Variants in DOK7 observed in about 807,000 individuals in gnomAD.
DOK7 encodes protein Dok-7.
A neutral mutation model predicts 30.7 loss-of-function variants in DOK7; 32 were observed. The ratio of observed to expected loss-of-function variants is 1.04; its 90% CI spans 0.79 to 1.40. DOK7 has a LOEUF of 1.40. DOK7 is among the 40% of genes most tolerant of loss of function. The probability of loss-of-function intolerance (pLI) is 0.00; values close to 1 mark genes in which losing one functional copy is unlikely to be tolerated. For synonymous variants in DOK7, 447 were observed against 324.1 expected, an observed-to-expected ratio of 1.38 and a Z score of -4.07; for missense variants, 1,007 against 699.2, an observed-to-expected ratio of 1.44 and a Z score of -4.97.
chr4:3,490,893 T>C (rs1432249303), intron 6 of DOK7, among the ~76,000 whole-genome samples: 2 of 118,444 alleles, frequency 1.7e-5, no homozygotes, highest in Non-Finnish European at 3.4e-5. Flanking sequence ...TGCTCATTAA[T>C]TTCTTCCTTC....
intron 4 of DOK7, among the ~76,000 whole-genome samples, chr4:3,478,611 C>T (rs1055086358): frequency 6.6e-6 from 1 of 151,136 alleles, no homozygotes; most frequent in East Asian, 2.0e-4. Context: ...CCCCACAGAA[C>T]CCGCCTTTGC....
chr4:3,489,254 G>C (rs940323646), intron 5 of DOK7, among the ~76,000 whole-genome samples: 1 of 152,148 alleles, frequency 6.6e-6, no homozygotes, highest in Non-Finnish European at 1.5e-5. Flanking sequence ...CCCAGGTGGA[G>C]GGGAGCCTGT....
At chr4:3,491,267 C>T (rs1728402445) in intron 6 of DOK7, among the ~76,000 whole-genome samples, 1 of 119,538 alleles carries the variant, frequency 8.4e-6, no homozygotes, top group Non-Finnish European at 1.7e-5. Flanking sequence ...TCATTCATTC[C>T]TTCATTCATT....
chr4:3,466,244 G>A (rs1297476635), intron 2 of DOK7, among the ~76,000 whole-genome samples: 1 of 152,142 alleles, frequency 6.6e-6, no homozygotes, highest in African/African-American at 2.4e-5. Context: ...GCCTGCCCCC[G>A]GGCTGATGGC....
chr4:3,467,817 G>A (rs1435696990), intron 2 of DOK7, among the ~76,000 whole-genome samples: 3 of 152,176 alleles, frequency 2.0e-5, no homozygotes, highest in Non-Finnish European at 2.9e-5. Context: ...GTGAGGATCC[G>A]CGTCCTGGGT....
chr4:3,486,944 G>A lies in DOK7; in HGVS notation c.652+1286G>A, dbSNP rs547935059. 4.4e-4 allele frequency among the ~76,000 whole-genome samples: 67 copies of A among 152,154 alleles called. 1 individual carries two copies. Among genetic ancestry groups the A allele is most frequent in the Non-Finnish European group, 8.7e-4 (59 of 68,014 alleles). ...AGTTCCCGGGGAGCAGAGGGAAGCA[G>A]GGAAGCAGTACTGGGCAGAGGATGC... On this transcript the variant is annotated intron_variant, in intron 5 of 6. Transcript: ENST00000340083.
rs546438939 is a variant in DOK7 at position 3,486,631 on chromosome 4, C to A, written c.652+973C>A. ...GGTGGCACCTATGGCCAGCGCCCTC[C>A]CCGCTGCCCTGCCATGCTGGATGGT... is the stretch of plus-strand genomic sequence containing the variant. On this transcript the variant is annotated intron_variant, in intron 5 of 6. Transcript: ENST00000340083. Among the ~76,000 whole-genome samples the A allele has an allele frequency of 2.9e-3, 445 of 152,338 alleles. 3 individuals are homozygous for A. Among genetic ancestry groups the A allele is most frequent in the African/African-American group, 0.01 (429 of 41,586 alleles).
At chr4:3,497,417 G>C (rs1728973387), downstream of DOK7, among the ~76,000 whole-genome samples, 1 of 152,012 alleles carries the variant, frequency 6.6e-6, no homozygotes, top group South Asian at 2.1e-4. Flanking sequence ...GGGAGGGCCA[G>C]GCAGGGAGGC....
downstream of DOK7, chr4:3,494,545 C>G (rs1019987623): frequency 2.5e-5 from 25 of 982,966 alleles, no homozygotes; most frequent in Admixed American, 6.1e-5. Flanking sequence ...CACGTGGGGC[C>G]TCTGCCTGGA....
Position 3,493,191 on chromosome 4 carries a change from G to C in DOK7, c.1205G>C (p.Arg402Pro), listed in dbSNP as rs370039804. 25 of 1,610,890 alleles carry C rather than the reference G, an allele frequency of 1.6e-5. No individual in the cohort carries two copies. Among genetic ancestry groups the C allele is most frequent in the Admixed American group, 5.0e-5 (3 of 59,876 alleles). Residue 402 changes from arginine to proline, a missense_variant, in exon 7 of 7, where the codon CGG (arginine) becomes CCG (proline). Transcript: ENST00000340083. ...TVEYQVPTSL[R>P]AHYDTPRSLC... is the part of the protein sequence containing the mutation. Reference sequence around the variant, plus strand: ...GAGTACCAGGTGCCCACCTCCCTGCGGGCCCACTATGACACACCACGCAGC... The same window carrying C: ...GAGTACCAGGTGCCCACCTCCCTGCCGGCCCACTATGACACACCACGCAGC...
chr4:3,496,134 G>A (rs1006751445), downstream of DOK7, among the ~76,000 whole-genome samples: 2 of 152,232 alleles, frequency 1.3e-5, no homozygotes, highest in Non-Finnish European at 1.5e-5. Flanking sequence ...GAGGTGGGCA[G>A]GAAGCCTCTG....
Position 3,494,388 on chromosome 4 carries a change from G to A in DOK7, c.*887G>A, listed in dbSNP as rs1728774478. 1.0e-6 allele frequency: 1 copy of A among 985,896 alleles called. No homozygotes were observed. Among genetic ancestry groups the A allele is most frequent in the Admixed American group, 6.1e-5 (1 of 16,300 alleles). 61.1% of individuals were successfully genotyped at this position (985,896 alleles called of 1,614,324 possible). On this transcript the variant is annotated 3_prime_UTR_variant, in exon 7 of 7. Transcript: ENST00000340083. ...AGCCTGCCCTGACCACAGCCCAGCA[G>A]CTCCCTGTGAACACCTCTTTGTCCC... is the stretch of plus-strand genomic sequence containing the variant.
chr4:3,473,669 T>TC, intron 3 of DOK7, 33 bp downstream of exon 3: 1 of 1,512,508 alleles, frequency 6.6e-7, no homozygotes, highest in Non-Finnish European at 8.9e-7. Context: ...GGGCGGGGGC[T>TC]CCCCGTTCAG....
rs187086457 is a variant in DOK7, at chr4:3,464,894, T to G, written c.100+1343T>G. Among the ~76,000 whole-genome samples the G allele has an allele frequency of 9.2e-5, 14 of 152,260 alleles. No individual in the cohort carries two copies. The East Asian group carries it at 2.7e-3, about 29-fold the overall frequency. ...AGGAGTTTGCAATGGGTCCCCCAGG[T>G]GGGACAATCTGTGAGTCTGTAGGTG... On this transcript the variant is annotated intron_variant, in intron 2 of 6. Coordinates refer to ENST00000340083, the MANE Select transcript of DOK7 (RefSeq NM_173660.5).
intron 6 of DOK7, among the ~76,000 whole-genome samples, chr4:3,491,138 TCCC>T (rs1204042804): frequency 1.2e-3 from 68 of 56,486 alleles, no homozygotes; most frequent in African/African-American, 4.2e-3. Context: ...GTTTCTCCCT[TCCC>T]CCCATTCCTT....
At position 3,467,300 on chromosome 4, in the gene DOK7, C is replaced by T. The variant is rs1036740989; in HGVS notation, c.100+3749C>T. On this transcript the variant is annotated intron_variant, in intron 2 of 6. Coordinates refer to ENST00000340083, the MANE Select transcript of DOK7 (RefSeq NM_173660.5). ...CCCCTCCTCCTTCTTCCCTCCCGCC[C>T]TCCCCGGCTCTCCGCCCTGGCTGTA... 2.5e-4 allele frequency among the ~76,000 whole-genome samples: 38 copies of T among 151,988 alleles called. 1 individual carries two copies. The highest frequency in any genetic ancestry group is 5.9e-5 in the Non-Finnish European group (4 of 67,964).
chr4:3,496,862 G>T, downstream of DOK7: 2 of 1,535,534 alleles, frequency 1.3e-6, no homozygotes, highest in Non-Finnish European at 1.7e-6. Flanking sequence ...AGCACATTCA[G>T]GTAGGCACCT....
In DOK7 at chr4:3,492,937, A is replaced by AC. The variant is rs794727884; in HGVS notation, c.957dup (p.Lys320GlnfsTer49). On this transcript the variant is annotated frameshift_variant, in exon 7 of 7. Coordinates refer to ENST00000340083, the MANE Select transcript of DOK7 (RefSeq NM_173660.5). LOFTEE classifies it low-confidence loss of function (END_TRUNC). ...AAGCCATGGTGGGTGCCTCAAGGCC[A>AC]CCCCCCAAGCCGCTGCGTCCGCGGC... 1.4e-5 allele frequency: 22 copies of AC among 1,543,892 alleles called. No individual in the cohort carries two copies. Among genetic ancestry groups the AC allele is most frequent in the African/African-American group, 5.5e-5 (4 of 72,916 alleles).
chr4:3,494,338 G>A lies in DOK7; in HGVS notation c.*837G>A. The A allele has an allele frequency of 2.0e-6, 2 of 985,762 alleles. No homozygotes were observed. Among genetic ancestry groups the A allele is most frequent in the Non-Finnish European group, 2.4e-6 (2 of 830,194 alleles). The allele number at this position is 985,762 out of a possible 1,614,324, so 61.1% of individuals were successfully genotyped here. The stretch of plus-strand genomic sequence containing the variant: ...GTTGGGCCCATTGTCCCCCGCCCTG[G>A]GTGGCTTCCTCTTGCACAGCCTGGA... On this transcript the variant is annotated 3_prime_UTR_variant, in exon 7 of 7. Coordinates refer to ENST00000340083, the MANE Select transcript of DOK7 (RefSeq NM_173660.5).
Sources: allele counts gnomAD v4.1 joint callset (sites outside exome capture counted in the v4.1 genomes callset), GRCh38; gene constraint gnomAD v4.1.1; transcripts MANE v1.5; gene names NCBI Gene and HGNC (gene_info 2026-07-23, HGNC 2026-07-21).